Variants in SAXO1 observed in about 807,000 individuals in gnomAD.
SAXO1 encodes stabilizer of axonemal microtubules 1, also known as 4930500O09Rik.
Under a neutral mutation model 17.5 loss-of-function variants are expected in SAXO1, and 21 were observed. The observed-to-expected ratio is 1.20, with a 90% CI of 0.85 to 1.72. The LOEUF is 1.72. Among genes scored for constraint, SAXO1 ranks in the 40% most tolerant of loss-of-function variants. The pLI, the probability that SAXO1 is intolerant of heterozygous loss-of-function variation, is 0.00. For synonymous variants in SAXO1, 274 were observed against 216.5 expected, an observed-to-expected ratio of 1.27 and a Z score of -2.33; for missense variants, 843 against 596.0, an observed-to-expected ratio of 1.41 and a Z score of -4.32.
chr9:18,975,696 G>A (rs1257163053), intron 1 of SAXO1, among the ~76,000 whole-genome samples: 1 of 152,182 alleles, frequency 6.6e-6, no homozygotes, highest in East Asian at 1.9e-4. Context: ...CTATGTAAAT[G>A]AGACCATACA....
At chr9:19,038,110 G>C (rs1013230457), upstream of SAXO1, among the ~76,000 whole-genome samples, 1 of 152,188 alleles carries the variant, frequency 6.6e-6, no homozygotes, top group Non-Finnish European at 1.5e-5. Context: ...GGAAACAACA[G>C]GTGCCGGAGA....
Position 18,979,152 on chromosome 9 carries a change from A to C in SAXO1, c.39-28215T>G, listed in dbSNP as rs527352960. ...TTATACACAGCAACTATAGGTCCAA[A>C]GCACTAGGCTAGACAATATGAAAAA... On this transcript the variant is annotated intron_variant, in intron 1 of 3. Coordinates refer to ENST00000380534, the MANE Select transcript of SAXO1 (RefSeq NM_153707.4). Among the ~76,000 whole-genome samples, 13 of 152,354 alleles carry C rather than the reference A, an allele frequency of 8.5e-5. No homozygotes were observed. In the East Asian group the frequency reaches 2.1e-3, roughly 25 times the overall value.
intron 1 of SAXO1, among the ~76,000 whole-genome samples, chr9:18,973,763 G>A (rs1833035011): frequency 6.6e-6 from 1 of 152,226 alleles, no homozygotes; most frequent in Admixed American, 6.5e-5. Flanking sequence ...CTCAGATACA[G>A]AAGGTGTTTA....
At chr9:18,986,800 C>G (rs1291050036) in intron 1 of SAXO1, among the ~76,000 whole-genome samples, 1 of 152,184 alleles carries the variant, frequency 6.6e-6, no homozygotes, top group Non-Finnish European at 1.5e-5. Context: ...CTGTTCACTT[C>G]AAAGACATTG....
chr9:18,963,920 C>A lies in SAXO1; in HGVS notation c.39-12983G>T, dbSNP rs554493323. ...TTTTGCCCATTCAGTATGATACTGG[C>A]TGTGGGTTTGTCATAAATAGTTCTT... is the stretch of plus-strand genomic sequence containing the variant. On this transcript the variant is annotated intron_variant, in intron 1 of 3. Coordinates refer to ENST00000380534, the MANE Select transcript of SAXO1 (RefSeq NM_153707.4). 2.6e-5 allele frequency among the ~76,000 whole-genome samples: 4 copies of A among 152,122 alleles called. No individual in the cohort carries two copies. In the East Asian group the frequency reaches 7.7e-4, roughly 29 times the overall value.
At chr9:18,999,338 C>A (rs62560401) in intron 1 of SAXO1, among the ~76,000 whole-genome samples, 38,832 of 152,086 alleles carry the variant, frequency 0.26, 5,377 homozygotes, top group African/African-American at 0.37. Context: ...GCCACTGCCC[C>A]GGCTGGCAAG....
chr9:18,980,551 A>G (rs1833336412), intron 1 of SAXO1, among the ~76,000 whole-genome samples: 1 of 134,816 alleles, frequency 7.4e-6, no homozygotes, highest in African/African-American at 2.9e-5. Flanking sequence ...GGAGGGAGGG[A>G]AGAGGAAGAA....
chr9:18,951,607 C>G (rs545632168), intron 1 of SAXO1, among the ~76,000 whole-genome samples: 2 of 152,160 alleles, frequency 1.3e-5, no homozygotes, highest in African/African-American at 4.8e-5. Context: ...ACCTCGCCGT[C>G]GTATCCCCTC....
At chr9:18,954,073 A>G (rs1832144161) in intron 1 of SAXO1, among the ~76,000 whole-genome samples, 1 of 152,204 alleles carries the variant, frequency 6.6e-6, no homozygotes, top group African/African-American at 2.4e-5. Context: ...AGGTACATCC[A>G]CAGACATACC....
chr9:19,027,670 G>A (rs1036075763), intron 1 of SAXO1: 26 of 1,359,962 alleles, frequency 1.9e-5, no homozygotes, highest in East Asian at 4.6e-5. Context: ...AGGAGAAAGC[G>A]CCCTCCATCA....
At chr9:18,935,328 T>G (rs1422747355) in intron 3 of SAXO1, among the ~76,000 whole-genome samples, 1 of 152,160 alleles carries the variant, frequency 6.6e-6, no homozygotes, top group South Asian at 2.1e-4. Context: ...GAGCTGTGTG[T>G]GGGTTAGGAA....
chr9:18,948,390 C>G (rs1185756412), intron 2 of SAXO1, among the ~76,000 whole-genome samples: 1 of 152,170 alleles, frequency 6.6e-6, no homozygotes, highest in Admixed American at 6.5e-5. Flanking sequence ...TGTGGACAAC[C>G]TTGATCCTGC....
intron 1 of SAXO1, among the ~76,000 whole-genome samples, chr9:19,015,207 C>T (rs1339435064): frequency 3.3e-5 from 5 of 152,166 alleles, no homozygotes; most frequent in African/African-American, 1.2e-4. Flanking sequence ...CCTATGTCAA[C>T]CAGCCCGGAG....
chr9:18,985,963 GAAGT>G (rs919230100), intron 1 of SAXO1, among the ~76,000 whole-genome samples: 4 of 152,114 alleles, frequency 2.6e-5, no homozygotes, highest in African/African-American at 9.7e-5. Flanking sequence ...TTCCTACCAA[GAAGT>G]AAGAATTACT....
intron 1 of SAXO1, among the ~76,000 whole-genome samples, chr9:19,010,120 T>G (rs1224787105): frequency 6.7e-6 from 1 of 148,690 alleles, no homozygotes; most frequent in African/African-American, 2.5e-5. Context: ...TGAGCCACTT[T>G]GCCTGGCCTA....
At position 19,023,012 on chromosome 9, in the gene SAXO1, A is replaced by T. The variant is rs188260310; in HGVS notation, c.38+9859T>A. Among the ~76,000 whole-genome samples the T allele has an allele frequency of 2.5e-3, 383 of 152,278 alleles. 2 individuals carry two copies. The highest frequency in any genetic ancestry group is 8.8e-3 in the African/African-American group (366 of 41,554). ...AGTATGAACTCACAAAGCCTAATAA[A>T]TGCTGGACTCAAGTGTAGGCATCCC... On this transcript the variant is annotated intron_variant, in intron 1 of 3. Coordinates refer to ENST00000380534, the MANE Select transcript of SAXO1 (RefSeq NM_153707.4).
At chr9:18,984,909 T>C (rs1239058154) in intron 1 of SAXO1, among the ~76,000 whole-genome samples, 1 of 152,166 alleles carries the variant, frequency 6.6e-6, no homozygotes, top group African/African-American at 2.4e-5. Flanking sequence ...CTAAGCTTAA[T>C]TGTTTTGAGC....
intron 1 of SAXO1, among the ~76,000 whole-genome samples, chr9:18,990,573 C>A (rs572361605): frequency 6.6e-6 from 1 of 152,098 alleles, no homozygotes. Context: ...TGCTTTACAA[C>A]AGAGGTCCCC....
intron 1 of SAXO1, among the ~76,000 whole-genome samples, chr9:19,021,819 C>CACTCTGTAAAATGG (rs1835245165): frequency 6.7e-6 from 1 of 149,314 alleles, no homozygotes; most frequent in African/African-American, 2.4e-5. Flanking sequence ...ATTGTAAACG[C>CACTCTGTAAAATGG]ACCAATCAGC....
Sources: allele counts gnomAD v4.1 joint callset (sites outside exome capture counted in the v4.1 genomes callset), GRCh38; gene constraint gnomAD v4.1.1; transcripts MANE v1.5; gene names NCBI Gene and HGNC (gene_info 2026-07-23, HGNC 2026-07-21).